Variants in HTR1E observed in about 807,000 individuals in gnomAD.
HTR1E encodes the protein 5-HT-1E.
A neutral mutation model predicts 3.4 loss-of-function variants in HTR1E; 3 were observed. The ratio of observed to expected loss-of-function variants is 0.89; its 90% CI spans 0.41 to 2.31. The LOEUF is 2.31. Among genes scored for constraint, HTR1E ranks in the 30% most tolerant of loss-of-function variants. The pLI is 0.05. For synonymous variants in HTR1E, 170 were observed against 182.8 expected (o/e 0.93, Z 0.56); for missense variants, 392 against 467.0 (o/e 0.84, Z 1.48).
At chr6:87,003,807 A>G (rs1280722343) in intron 1 of HTR1E, among the ~76,000 whole-genome samples, 3 of 152,086 alleles carry the variant, frequency 2.0e-5, no homozygotes, top group African/African-American at 7.2e-5. Context: ...CAAAAAATAC[A>G]AAAAAACAAA....
chr6:86,968,031 T>C lies in HTR1E; in HGVS notation c.-186+30208T>C, dbSNP rs200705148. Among the ~76,000 whole-genome samples, 5 of 151,852 alleles carry C rather than the reference T, an allele frequency of 3.3e-5. No individual in the cohort carries two copies. In the South Asian group the frequency reaches 6.2e-4, roughly 19 times the overall value. On this transcript the variant is annotated intron_variant, in intron 1 of 1. Coordinates refer to ENST00000305344, the MANE Select transcript of HTR1E (RefSeq NM_000865.3). ...TCATGTTTTTGCATATCAATCGAGA[T>C]AATAAATGAGTTTACTAACATACAG...
chr6:86,977,475 A>C lies in HTR1E; in HGVS notation c.-185-37675A>C, dbSNP rs535938427. On this transcript the variant is annotated intron_variant, in intron 1 of 1. Coordinates refer to ENST00000305344, the MANE Select transcript of HTR1E (RefSeq NM_000865.3). Reference sequence around the variant, plus strand: ...TGATTCCATGTCTTTGTTATTGTGAATAGTGAGGAAATGAACATATGAGTG... The same window carrying C: ...TGATTCCATGTCTTTGTTATTGTGACTAGTGAGGAAATGAACATATGAGTG... Among the ~76,000 whole-genome samples, 139 of 152,312 alleles carry C rather than the reference A, an allele frequency of 9.1e-4. 2 individuals are homozygous for C. Among genetic ancestry groups the C allele is most frequent in the African/African-American group, 3.2e-3 (135 of 41,560 alleles).
At chr6:86,956,633 C>T (rs1316945225) in intron 1 of HTR1E, among the ~76,000 whole-genome samples, 1 of 152,056 alleles carries the variant, frequency 6.6e-6, no homozygotes, top group Non-Finnish European at 1.5e-5. Flanking sequence ...AAGCTGTAAC[C>T]CAACCATCTG....
chr6:86,946,128 T>C (rs1470108457), intron 1 of HTR1E, among the ~76,000 whole-genome samples: 1 of 152,192 alleles, frequency 6.6e-6, no homozygotes, highest in Admixed American at 6.5e-5. Context: ...ACAAATTAGG[T>C]ATAGCTTAAG....
intron 1 of HTR1E, among the ~76,000 whole-genome samples, chr6:86,986,819 C>A (rs780713345): frequency 5.3e-5 from 8 of 152,036 alleles, no homozygotes; most frequent in South Asian, 2.1e-4. Context: ...TTTGATTAAC[C>A]CTATTCTAGA....
intron 1 of HTR1E, among the ~76,000 whole-genome samples, chr6:86,954,938 C>T (rs1316772418): frequency 6.6e-6 from 1 of 152,138 alleles, no homozygotes; most frequent in Admixed American, 6.5e-5. Flanking sequence ...TCCAGAGCAC[C>T]ATCTCAAGAT....
At chr6:86,939,982 A>G (rs1768522676) in intron 1 of HTR1E, among the ~76,000 whole-genome samples, 1 of 152,212 alleles carries the variant, frequency 6.6e-6, no homozygotes. Flanking sequence ...ATAAGTTTCC[A>G]TTCTTTTGAG....
At chr6:87,007,265 A>G (rs1471211063) in intron 1 of HTR1E, among the ~76,000 whole-genome samples, 1 of 152,148 alleles carries the variant, frequency 6.6e-6, no homozygotes, top group East Asian at 1.9e-4. Context: ...TGTAGGAGCT[A>G]AAATTTAAAA....
intron 1 of HTR1E, among the ~76,000 whole-genome samples, chr6:86,952,342 C>G (rs1020460691): frequency 6.6e-6 from 1 of 152,152 alleles, no homozygotes; most frequent in Non-Finnish European, 1.5e-5. Flanking sequence ...AGTTAGCTGT[C>G]TATCCCTAGC....
intron 1 of HTR1E, among the ~76,000 whole-genome samples, chr6:86,952,498 GACAC>G (rs149359215): frequency 8.3e-4 from 122 of 147,016 alleles, no homozygotes; most frequent in Middle Eastern, 3.6e-3. Flanking sequence ...CACACACACA[GACAC>G]ACACACACAC....
intron 1 of HTR1E, among the ~76,000 whole-genome samples, chr6:86,983,086 G>A (rs1292880219): frequency 6.6e-6 from 1 of 152,132 alleles, no homozygotes; most frequent in African/African-American, 2.4e-5. Flanking sequence ...AATAAGCCAG[G>A]TTTGATTATC....
At chr6:87,010,324 C>G (rs1289423029) in intron 1 of HTR1E, among the ~76,000 whole-genome samples, 2 of 109,320 alleles carry the variant, frequency 1.8e-5, no homozygotes, top group South Asian at 3.3e-4. Flanking sequence ...GCTGACCCCC[C>G]CCACCTCCCT....
At chr6:87,006,647 C>T (rs1395941176) in intron 1 of HTR1E, among the ~76,000 whole-genome samples, 1 of 152,140 alleles carries the variant, frequency 6.6e-6, no homozygotes, top group Non-Finnish European at 1.5e-5. Flanking sequence ...CAGCACTATT[C>T]ACAACAGCAA....
chr6:86,978,695 A>G (rs1349094014), intron 1 of HTR1E, among the ~76,000 whole-genome samples: 3 of 152,130 alleles, frequency 2.0e-5, no homozygotes, highest in African/African-American at 7.2e-5. Flanking sequence ...TGAAAACTGA[A>G]ATTGCAAGCA....
intron 1 of HTR1E, among the ~76,000 whole-genome samples, chr6:86,999,751 G>A (rs1407690285): frequency 6.6e-6 from 1 of 152,144 alleles, no homozygotes; most frequent in Non-Finnish European, 1.5e-5. Flanking sequence ...ATTTTTACCT[G>A]AGGTAGCTTG....
chr6:87,009,960 G>T (rs1768182726), intron 1 of HTR1E, among the ~76,000 whole-genome samples: 1 of 130,208 alleles, frequency 7.7e-6, no homozygotes, highest in Non-Finnish European at 1.6e-5. Context: ...AGGGGCGGCC[G>T]GGCAGAGGCG....
chr6:87,012,352 C>T lies in HTR1E; in HGVS notation c.-185-2798C>T, dbSNP rs1004995100. The stretch of plus-strand genomic sequence containing the variant: ...TAACCGGGAGCTAAATATTGAATAA[C>T]ACATGAACACAAAGAAGGGAGCAAT... On this transcript the variant is annotated intron_variant, in intron 1 of 1. Coordinates refer to ENST00000305344, the MANE Select transcript of HTR1E (RefSeq NM_000865.3). 3.3e-5 allele frequency among the ~76,000 whole-genome samples: 5 copies of T among 152,120 alleles called. No homozygotes were observed. The South Asian group carries it at 1.0e-3, about 31-fold the overall frequency.
At chr6:87,002,613 T>C (rs564734081) in intron 1 of HTR1E, among the ~76,000 whole-genome samples, 3 of 152,172 alleles carry the variant, frequency 2.0e-5, no homozygotes, top group Non-Finnish European at 2.9e-5. Context: ...ATAGTGCTAA[T>C]TGGTGTGTTT....
At chr6:86,944,300 G>A (rs1768584959) in intron 1 of HTR1E, among the ~76,000 whole-genome samples, 1 of 152,120 alleles carries the variant, frequency 6.6e-6, no homozygotes, top group South Asian at 2.1e-4. Flanking sequence ...TTACACAGTG[G>A]GAGGAATACC....
Sources: allele counts gnomAD v4.1 joint callset (sites outside exome capture counted in the v4.1 genomes callset), GRCh38; gene constraint gnomAD v4.1.1; transcripts MANE v1.5; gene names NCBI Gene and HGNC (gene_info 2026-07-23, HGNC 2026-07-21).